SEMA5A: variants seen among roughly 807,000 people sequenced by gnomAD.
The protein encoded by SEMA5A is semaphorin 5A, also known as semaphorin-5A.
A neutral mutation model predicts 135.5 loss-of-function variants in SEMA5A; 55 were observed. That is an observed-to-expected ratio of 0.41 (90% CI 0.33 to 0.51). The LOEUF is 0.51. Ranked by LOEUF, SEMA5A falls within the 20% of genes least tolerant of loss-of-function variation. SEMA5A has a pLI of 0.37. For missense variants in SEMA5A, 1,290 were observed against 1,419.9 expected, an observed-to-expected ratio of 0.91 and a Z score of 1.47; for synonymous variants, 580 against 546.5, an observed-to-expected ratio of 1.06 and a Z score of -0.85.
In SEMA5A at chr5:9,066,500, C is replaced by G; in HGVS notation, c.2220G>C (p.Pro740=). The stretch of plus-strand genomic sequence containing the variant: ...TCTGTCTTCCCACTTCCAGCAAATT[C>G]GGATCAGCCAGGCGGGCTTTGCATG... ...RYTCKARLAD[P]NLLEVGRQRI... Residue 740 remains proline, a synonymous_variant, in exon 17 of 23, where the codon CCG becomes CCC. Transcript: ENST00000382496. 6.2e-7 allele frequency: 1 copy of G among 1,614,134 alleles called. No individual in the cohort carries two copies. The highest frequency in any genetic ancestry group is 8.5e-7 in the Non-Finnish European group (1 of 1,180,012).
chr5:9,507,733 G>T (rs904520618), intron 1 of SEMA5A, among the ~76,000 whole-genome samples: 3 of 152,112 alleles, frequency 2.0e-5, no homozygotes, highest in African/African-American at 2.4e-5. Context: ...GGACGGGTGC[G>T]GTGTCTCTCG....
chr5:9,423,535 A>C (rs1039683997), intron 2 of SEMA5A, among the ~76,000 whole-genome samples: 65 of 152,220 alleles, frequency 4.3e-4, no homozygotes, highest in African/African-American at 1.5e-3. Context: ...AGGGAATCCT[A>C]ATGGCCAGTG....
rs544598780 is a variant in SEMA5A at position 9,122,718 on chromosome 5, C to T, written c.1719G>A (p.Pro573=). 166 of 1,613,496 alleles carry T rather than the reference C, an allele frequency of 1.0e-4. 3 individuals are homozygous for T. In the South Asian group the frequency reaches 1.5e-3, roughly 15 times the overall value. The change falls in exon 14 of 23, where the codon CCG becomes CCA. Residue 573 remains proline, a synonymous_variant. Coordinates refer to ENST00000382496, the MANE Select transcript of SEMA5A (RefSeq NM_003966.3). The part of the protein sequence containing the change: ...CLCRTRSCDS[P]APQCGGWQCE... ...ACTGCCAGCCACCACACTGCGGGGC[C>T]GGGCTGTCGCAGGAGCGGGTTCGAC...
rs1435034632 is a variant in SEMA5A at position 9,384,665 on chromosome 5, G to T, written c.-77-4642C>A. Among the ~76,000 whole-genome samples the T allele has an allele frequency of 5.9e-4, 65 of 109,446 alleles. 1 individual carries two copies. Among genetic ancestry groups the T allele is most frequent in the Middle Eastern group, 4.3e-3 (1 of 232 alleles). The allele number at this position is 109,446 out of a possible 152,430, so 71.8% of individuals were successfully genotyped here. ...ATAGATAGATAGATAGATAGATATA[G>T]ATAGATAGATATAGATAGATAGATA... On this transcript the variant is annotated intron_variant, in intron 2 of 22. Transcript: ENST00000382496.
At chr5:9,456,296 T>A (rs1758832367) in intron 1 of SEMA5A, among the ~76,000 whole-genome samples, 2 of 152,244 alleles carry the variant, frequency 1.3e-5, no homozygotes. Context: ...CTGGGAGGTT[T>A]ATCCTCTTCT....
At chr5:9,487,274 C>CT (rs1396081229) in intron 1 of SEMA5A, among the ~76,000 whole-genome samples, 6 of 152,152 alleles carry the variant, frequency 3.9e-5, no homozygotes, top group African/African-American at 1.2e-4. Context: ...ATTCTAAACT[C>CT]TTTTTGTGTG....
At chr5:9,361,522 A>G (rs1754695264) in intron 3 of SEMA5A, among the ~76,000 whole-genome samples, 1 of 152,120 alleles carries the variant, frequency 6.6e-6, no homozygotes, top group African/African-American at 2.4e-5. Context: ...TACTTAATAA[A>G]TGTCTTACTC....
chr5:9,456,695 A>C (rs1256431820), intron 1 of SEMA5A, among the ~76,000 whole-genome samples: 1 of 152,188 alleles, frequency 6.6e-6, no homozygotes. Context: ...GAAGGCTGGA[A>C]CCACAAAAGC....
intron 5 of SEMA5A, among the ~76,000 whole-genome samples, chr5:9,316,531 AG>A (rs1398093995): frequency 9.2e-5 from 14 of 152,206 alleles, no homozygotes; most frequent in Admixed American, 9.2e-4. Flanking sequence ...TATGCCAGAG[AG>A]TATACCATGA....
intron 5 of SEMA5A, among the ~76,000 whole-genome samples, chr5:9,253,518 A>G (rs1748909300): frequency 6.6e-6 from 1 of 152,176 alleles, no homozygotes; most frequent in Non-Finnish European, 1.5e-5. Flanking sequence ...TATGCTCATC[A>G]TTATATTTGC....
chr5:9,115,260 G>T (rs1740451197), intron 15 of SEMA5A, among the ~76,000 whole-genome samples: 1 of 152,180 alleles, frequency 6.6e-6, no homozygotes, highest in Admixed American at 6.5e-5. Flanking sequence ...AAACTACCTA[G>T]CTACAAGCAC....
intron 1 of SEMA5A, among the ~76,000 whole-genome samples, chr5:9,452,661 A>T (rs1758689004): frequency 6.6e-6 from 1 of 152,118 alleles, no homozygotes; most frequent in Non-Finnish European, 1.5e-5. Context: ...TTCTAGCCAC[A>T]CTCTCCCAAA....
chr5:9,480,135 G>A (rs1759820843), intron 1 of SEMA5A, among the ~76,000 whole-genome samples: 2 of 152,250 alleles, frequency 1.3e-5, no homozygotes, highest in East Asian at 3.9e-4. Flanking sequence ...GACACGAATA[G>A]CACACACACA....
intron 2 of SEMA5A, among the ~76,000 whole-genome samples, chr5:9,430,950 T>C (rs1757836467): frequency 6.7e-6 from 1 of 148,764 alleles, no homozygotes; most frequent in Admixed American, 6.7e-5. Flanking sequence ...CCATTCCTAT[T>C]GGAAAAAAAA....
intron 4 of SEMA5A, among the ~76,000 whole-genome samples, chr5:9,325,844 T>C (rs1283690538): frequency 6.6e-6 from 1 of 152,170 alleles, no homozygotes; most frequent in African/African-American, 2.4e-5. Context: ...CAAGTTCCTA[T>C]TGAACGTATG....
At chr5:9,514,942 G>C (rs955390957) in intron 1 of SEMA5A, among the ~76,000 whole-genome samples, 2 of 152,182 alleles carry the variant, frequency 1.3e-5, no homozygotes, top group Admixed American at 6.5e-5. Flanking sequence ...GTGGGATCCT[G>C]CAATTCTCTC....
At chr5:9,475,673 A>G (rs1218771366) in intron 1 of SEMA5A, among the ~76,000 whole-genome samples, 1 of 152,208 alleles carries the variant, frequency 6.6e-6, no homozygotes, top group East Asian at 1.9e-4. Context: ...AAAATGAAAA[A>G]TAAAGTTGAT....
At chr5:9,460,208 A>G (rs758443272) in intron 1 of SEMA5A, among the ~76,000 whole-genome samples, 3 of 152,198 alleles carry the variant, frequency 2.0e-5, no homozygotes, top group Non-Finnish European at 2.9e-5. Flanking sequence ...GAAGAATCTG[A>G]TTGTTGACCA....
intron 11 of SEMA5A, among the ~76,000 whole-genome samples, chr5:9,186,019 A>G (rs561463491): frequency 9.2e-5 from 14 of 152,256 alleles, no homozygotes; most frequent in Admixed American, 8.5e-4. Context: ...GCTCAGCATG[A>G]CCTTAATTTT....
Sources: allele counts gnomAD v4.1 joint callset (sites outside exome capture counted in the v4.1 genomes callset), GRCh38; gene constraint gnomAD v4.1.1; transcripts MANE v1.5; gene names NCBI Gene and HGNC (gene_info 2026-07-23, HGNC 2026-07-21).